Variants in MAPK9 observed in about 807,000 individuals in gnomAD.
The protein encoded by MAPK9 is mitogen-activated protein kinase 9.
MAPK9 carries 30 observed loss-of-function variants against 57.1 expected under a neutral mutation model. The ratio of observed to expected loss-of-function variants is 0.53; its 90% confidence interval spans 0.39 to 0.71. The LOEUF (loss-of-function observed/expected upper bound fraction) is 0.71. Ranked by LOEUF, MAPK9 falls within the 30% of genes least tolerant of loss-of-function variation. MAPK9 has a pLI of 0.00. For synonymous variants in MAPK9, 155 were observed against 177.0 expected, an observed-to-expected ratio of 0.88 and a Z score of 0.99; for missense variants, 362 against 521.0, an observed-to-expected ratio of 0.69 and a Z score of 2.97.
intron 2 of MAPK9, among the ~76,000 whole-genome samples, chr5:180,278,815 T>C (rs559882548): frequency 1.3e-5 from 2 of 151,820 alleles, no homozygotes; most frequent in African/African-American, 4.8e-5. Flanking sequence ...CTCTCTCGCA[T>C]GCACACATCA....
chr5:180,238,374 C>A lies in MAPK9; in HGVS notation c.1090G>T (p.Glu364Ter), dbSNP rs923443094. 6.2e-7 allele frequency: 1 copy of A among 1,612,302 alleles called. No homozygotes were observed. The highest frequency in any genetic ancestry group is 8.5e-7 in the Non-Finnish European group (1 of 1,178,558). ...ELIYKEVMDWEERSKNGVVKD... is the reference protein window; with the variant it reads ...ELIYKEVMDW ...ACAACACCATTCTTGCTTCTTTCTTCCCAATCCATGACTTCTTTGTAAATT... is the reference window on the plus strand; with the variant it reads ...ACAACACCATTCTTGCTTCTTTCTTACCAATCCATGACTTCTTTGTAAATT... Residue 364 changes from glutamate to a stop codon, truncating the protein, a stop_gained, in exon 11 of 12, where the codon GAA becomes TAA. Coordinates refer to ENST00000452135, the MANE Select transcript of MAPK9 (RefSeq NM_002752.5). LOFTEE classifies it high-confidence loss of function.
chr5:180,268,015 G>A (rs1362411596), intron 3 of MAPK9, among the ~76,000 whole-genome samples: 2 of 152,018 alleles, frequency 1.3e-5, no homozygotes, highest in East Asian at 1.9e-4. Context: ...TAGTAGAGAT[G>A]GGGTTTCACC....
rs34776289 is a variant in MAPK9, at chr5:180,267,561, C to CA, written c.252+1718dup. On this transcript the variant is annotated intron_variant, in intron 3 of 11. Transcript: ENST00000452135. Reference sequence around the variant, plus strand: ...TGGGCGACAGAGCGAGACTCCGTCTCAAAAAAAAAAAAAAAAAAAAGAAAA... The same window carrying CA: ...TGGGCGACAGAGCGAGACTCCGTCTCAAAAAAAAAAAAAAAAAAAAAGAAAA... 3.8e-3 allele frequency among the ~76,000 whole-genome samples: 344 copies of CA among 89,752 alleles called. 5 individuals are homozygous for CA. Among genetic ancestry groups the CA allele is most frequent in the African/African-American group, 5.5e-3 (123 of 22,490 alleles). The allele number at this position is 89,752 out of a possible 152,430, so 58.9% of individuals were successfully genotyped here.
chr5:180,235,540 TA>T lies in MAPK9; in HGVS notation c.*843del, dbSNP rs1757111329. ...TAATTAAGATGGAGTGTTACGCACC[TA>T]ATAAAGAAGGTGAAGTTCTAGGTAG... On this transcript the variant is annotated 3_prime_UTR_variant, in exon 12 of 12. Coordinates refer to ENST00000452135, the MANE Select transcript of MAPK9 (RefSeq NM_002752.5). 6.6e-6 allele frequency: 1 copy of T among 152,194 alleles called. No individual in the cohort carries two copies. Among genetic ancestry groups the T allele is most frequent in the Non-Finnish European group, 1.5e-5 (1 of 68,032 alleles). 9.4% of individuals were successfully genotyped at this position (152,194 alleles called of 1,614,324 possible).
chr5:180,279,017 G>A (rs1030513251), intron 2 of MAPK9, among the ~76,000 whole-genome samples: 3 of 150,646 alleles, frequency 2.0e-5, no homozygotes, highest in Non-Finnish European at 3.0e-5. Flanking sequence ...GAGTGCAGTG[G>A]CGCGATCTTG....
chr5:180,239,776 T>G, intron 10 of MAPK9, 148 bp downstream of exon 10: 2 of 702,176 alleles, frequency 2.8e-6, no homozygotes, highest in South Asian at 3.3e-5. Context: ...AAGTTCATTT[T>G]CTACTGGAAA....
At position 180,264,772 on chromosome 5, in the gene MAPK9, G is replaced by C; in HGVS notation, c.311+9C>G. 6.4e-7 allele frequency: 1 copy of C among 1,564,106 alleles called. No homozygotes were observed. Among genetic ancestry groups the C allele is most frequent in the Non-Finnish European group, 8.7e-7 (1 of 1,155,224 alleles). ...GTACAGTGCATTACTGAATAAAAAT[G>C]ATACTTACACATCTTGAAATTCTTC... On this transcript the variant is annotated intron_variant, in intron 4 of 11. Transcript: ENST00000452135.
At chr5:180,288,058 A>G (rs1762927059) in intron 1 of MAPK9, among the ~76,000 whole-genome samples, 2 of 152,226 alleles carry the variant, frequency 1.3e-5, no homozygotes, top group South Asian at 4.1e-4. Flanking sequence ...CTCATCTGCA[A>G]CACGGACGAG....
At chr5:180,267,811 CAAAAAAACAAAACA>C (rs1760794021) in intron 3 of MAPK9, among the ~76,000 whole-genome samples, 1 of 151,372 alleles carries the variant, frequency 6.6e-6, no homozygotes, top group Non-Finnish European at 1.5e-5. Context: ...GACCCTGTCT[CAAAAAAACAAAACA>C]AAAAAAACCA....
intron 4 of MAPK9, among the ~76,000 whole-genome samples, chr5:180,264,490 T>C (rs1031973526): frequency 6.6e-6 from 1 of 152,228 alleles, no homozygotes. Context: ...CTATCAGGGA[T>C]TTGAGAAAAA....
intron 2 of MAPK9, among the ~76,000 whole-genome samples, chr5:180,278,612 C>G (rs746440108): frequency 9.9e-5 from 15 of 152,068 alleles, no homozygotes; most frequent in Non-Finnish European, 1.9e-4. Flanking sequence ...GGCAGGAGAA[C>G]TGCTTGAACC....
At chr5:180,262,292 G>C (rs1447815672) in intron 4 of MAPK9, among the ~76,000 whole-genome samples, 1 of 152,052 alleles carries the variant, frequency 6.6e-6, no homozygotes, top group Non-Finnish European at 1.5e-5. Context: ...TTTTAAAAGT[G>C]ATTATACAAC....
At chr5:180,288,140 C>T (rs558578446) in intron 1 of MAPK9, among the ~76,000 whole-genome samples, 4 of 152,320 alleles carry the variant, frequency 2.6e-5, no homozygotes, top group Admixed American at 2.6e-4. Context: ...TGCAGGAATG[C>T]ACCCTAAATC....
intron 10 of MAPK9, 137 bp downstream of exon 10, chr5:180,239,787 C>G (rs960581205): frequency 6.8e-6 from 5 of 736,254 alleles, no homozygotes; most frequent in Admixed American, 5.0e-5. Flanking sequence ...CTACTGGAAA[C>G]TGGGGAGAAA....
intron 3 of MAPK9, among the ~76,000 whole-genome samples, chr5:180,265,193 T>A (rs1760400482): frequency 6.6e-6 from 1 of 152,226 alleles, no homozygotes; most frequent in South Asian, 2.1e-4. Context: ...CTAAAAAGGT[T>A]TGAAATATGA....
At chr5:180,291,458 C>T (rs1310331227) in intron 1 of MAPK9, among the ~76,000 whole-genome samples, 1 of 152,216 alleles carries the variant, frequency 6.6e-6, no homozygotes, top group Non-Finnish European at 1.5e-5. Context: ...CCAGAAGAGA[C>T]ATTTCCCCAC....
intron 3 of MAPK9, among the ~76,000 whole-genome samples, chr5:180,267,561 CAAAAA>C (rs34776289): frequency 2.2e-5 from 2 of 89,862 alleles, no homozygotes; most frequent in Non-Finnish European, 4.3e-5. Context: ...GACTCCGTCT[CAAAAA>C]AAAAAAAAAA....
Position 180,247,707 on chromosome 5 carries a change from CAA to C in MAPK9, c.617-199_617-198del. ...TTGTAGCAATCTGGGGTTTTAGTGC[CAA>C]AGAGTCCAATACTTTATAGCTTAAA... On this transcript the variant is annotated intron_variant, in intron 6 of 11. Transcript: ENST00000452135. This position sits in a 1 kb window ranked among gnomAD's most constrained non-coding sequence, Gnocchi z 4.5. The C allele has an allele frequency of 1.0e-6, 1 of 988,450 alleles. No homozygotes were observed. The highest frequency in any genetic ancestry group is 1.6e-6 in the Non-Finnish European group (1 of 637,812). 61.2% of individuals were successfully genotyped at this position (988,450 alleles called of 1,614,324 possible).
chr5:180,267,195 T>C (rs1293419318), intron 3 of MAPK9, among the ~76,000 whole-genome samples: 1 of 152,246 alleles, frequency 6.6e-6, no homozygotes, highest in Non-Finnish European at 1.5e-5. Flanking sequence ...CAGGAGTTTT[T>C]ACTTTTTTAT....
Sources: allele counts gnomAD v4.1 joint callset (sites outside exome capture counted in the v4.1 genomes callset), GRCh38; gene constraint gnomAD v4.1.1; non-coding constraint Gnocchi (gnomAD v3.1); transcripts MANE v1.5; gene names NCBI Gene and HGNC (gene_info 2026-07-23, HGNC 2026-07-21).